Variants in ZMYND8 observed in about 807,000 individuals in gnomAD.
ZMYND8 encodes zinc finger MYND-type containing 8, also known as MYND-type zinc finger-containing chromatin reader ZMYND8.
ZMYND8 carries 37 observed loss-of-function variants against 140.8 expected under a neutral mutation model. That is an observed-to-expected ratio of 0.26 (90% CI 0.20 to 0.35). The LOEUF (loss-of-function observed/expected upper bound fraction) is 0.35. ZMYND8 is among the 10% of genes least tolerant of loss of function. The probability of loss-of-function intolerance (pLI) is 1.00; values close to 1 mark genes in which losing one functional copy is unlikely to be tolerated. For synonymous variants in ZMYND8, 592 were observed against 597.1 expected (o/e 0.99, Z 0.12); for missense variants, 1,068 against 1,570.0 (o/e 0.68, Z 5.40).
chr20:47,329,485 A>T (rs1038735707), intron 2 of ZMYND8, among the ~76,000 whole-genome samples: 8 of 151,854 alleles, frequency 5.3e-5, no homozygotes, highest in African/African-American at 1.9e-4. Flanking sequence ...GCTCACCGCA[A>T]CCTCCTCCTC....
intron 16 of ZMYND8, among the ~76,000 whole-genome samples, chr20:47,231,394 G>A (rs1307374665): frequency 1.3e-5 from 2 of 152,088 alleles, no homozygotes; most frequent in East Asian, 3.8e-4. Flanking sequence ...TCTAAGCCTC[G>A]GTTTCCCCAC....
At chr20:47,324,182 C>T (rs1029421723) in intron 2 of ZMYND8, among the ~76,000 whole-genome samples, 4 of 133,338 alleles carry the variant, frequency 3.0e-5, no homozygotes, top group African/African-American at 9.0e-5. Flanking sequence ...AACCTGGGCG[C>T]CAGAGCGAGA....
intron 16 of ZMYND8, among the ~76,000 whole-genome samples, chr20:47,235,255 C>T (rs1263829394): frequency 6.6e-6 from 1 of 152,188 alleles, no homozygotes; most frequent in African/African-American, 2.4e-5. Context: ...GTGAGCAAAA[C>T]AGACAAAAAT....
intron 3 of ZMYND8, among the ~76,000 whole-genome samples, chr20:47,305,596 A>G (rs1389605121): frequency 6.6e-6 from 1 of 151,936 alleles, no homozygotes; most frequent in Admixed American, 6.5e-5. Context: ...AAAGACTTCA[A>G]GTGTCCCAGT....
rs1490115505 is a variant in ZMYND8 at position 47,285,774 on chromosome 20, A to G, written c.804+1455T>C. 3.5e-5 allele frequency: 34 copies of G among 984,886 alleles called. No homozygotes were observed. In the South Asian group the frequency reaches 1.3e-3, roughly 38 times the overall value. The allele number at this position is 984,886 out of a possible 1,614,324, so 61.0% of individuals were successfully genotyped here. The stretch of plus-strand genomic sequence containing the variant: ...AATTAAATGAATGTCCATGTGTTGT[A>G]TGTAATACTATACAGCCATGAAAAA... On this transcript the variant is annotated intron_variant, in intron 8 of 22. Transcript: ENST00000471951.
At position 47,239,046 on chromosome 20, in the gene ZMYND8, C is replaced by A; in HGVS notation, c.2377G>T (p.Ala793Ser). 1 of 1,579,496 alleles carries A rather than the reference C, an allele frequency of 6.3e-7. No homozygotes were observed. Among genetic ancestry groups the A allele is most frequent in the Non-Finnish European group, 8.6e-7 (1 of 1,160,370 alleles). ...LTRSSAQTSA[A>S]GATATTSTSS... is the part of the protein sequence containing the mutation. Reference sequence around the variant, plus strand: ...GTGCTGGTGGTGGCTGTGGCGCCAGCCGCGGAAGTTTGGGCGGAAGAGCGG... The same window carrying A: ...GTGCTGGTGGTGGCTGTGGCGCCAGACGCGGAAGTTTGGGCGGAAGAGCGG... Residue 793 changes from alanine (A) to serine (S), a missense_variant, in exon 15 of 23, where the codon GCT becomes TCT. Ala to Ser is a moderately conservative substitution (Grantham distance 99). Transcript: ENST00000471951.
At chr20:47,251,960 A>G (rs1477822254) in intron 12 of ZMYND8, among the ~76,000 whole-genome samples, 1 of 151,930 alleles carries the variant, frequency 6.6e-6, no homozygotes, top group Admixed American at 6.6e-5. Context: ...ACTAAAGTTT[A>G]CTTTTAAATT....
intron 2 of ZMYND8, among the ~76,000 whole-genome samples, chr20:47,314,763 A>G (rs2079243172): frequency 6.6e-6 from 1 of 152,220 alleles, no homozygotes; most frequent in Non-Finnish European, 1.5e-5. Context: ...GGGTTGGTTC[A>G]GGACTCAGGA....
intron 13 of ZMYND8, 149 bp downstream of exon 13, chr20:47,249,138 G>A (rs372848155): frequency 1.1e-6 from 1 of 947,848 alleles, no homozygotes; most frequent in Non-Finnish European, 1.5e-6. Context: ...GCCATGAGTG[G>A]AAATATATTT....
rs550685650 is a variant in ZMYND8, at chr20:47,334,768, C to A, written c.85+13088G>T. Among the ~76,000 whole-genome samples, 29 of 152,100 alleles carry A rather than the reference C, an allele frequency of 1.9e-4. No individual in the cohort carries two copies. In the East Asian group the frequency reaches 5.6e-3, roughly 30 times the overall value. The stretch of plus-strand genomic sequence containing the variant: ...GGGATTACAGGCACACGCCACCACA[C>A]TCAGCTAATTTTTTGTATTTTTAGT... On this transcript the variant is annotated intron_variant, in intron 2 of 22. Coordinates refer to ENST00000471951, the MANE Select transcript of ZMYND8 (RefSeq NM_001281775.3).
intron 21 of ZMYND8, among the ~76,000 whole-genome samples, chr20:47,216,048 C>T (rs570635154): frequency 3.9e-5 from 6 of 152,188 alleles, no homozygotes; most frequent in Admixed American, 3.9e-4. Context: ...GAGCACACCA[C>T]GGAGGCCCTG....
chr20:47,239,249 C>T, intron 14 of ZMYND8, 111 bp from the exon 15 acceptor site: 1 of 1,361,950 alleles, frequency 7.3e-7, no homozygotes, highest in Non-Finnish European at 9.6e-7. Context: ...CCAGGAATGC[C>T]GAACCAATTC....
At chr20:47,282,352 G>T in intron 9 of ZMYND8, 135 bp from the exon 10 acceptor site, 1 of 676,718 alleles carries the variant, frequency 1.5e-6, no homozygotes, top group Non-Finnish European at 2.4e-6. Context: ...AGCAGGGTCG[G>T]CCTGTGTGGT....
chr20:47,262,290 A>G lies in ZMYND8; in HGVS notation c.1619T>C (p.Leu540Pro). ...STTGSILNLNLDRSKAEMDLK... is the reference protein window; with the variant it reads ...STTGSILNLNPDRSKAEMDLK... ...TACTGGCAAAAATTCTGACTGACCCAGGTTAAGATTCAGGATGCTGCCGGT... is the reference window on the plus strand; with the variant it reads ...TACTGGCAAAAATTCTGACTGACCCGGGTTAAGATTCAGGATGCTGCCGGT... Residue 540 changes from leucine to proline, a missense_variant and splice_region_variant, in exon 12 of 23, where the codon CTG (leucine) becomes CCG (proline). Around this residue, in one of 10 missense-constraint regions of ZMYND8, gnomAD observed 173 missense variants for 223.3 expected, o/e 0.77. Transcript: ENST00000471951. 6.2e-7 allele frequency: 1 copy of G among 1,614,122 alleles called. No individual in the cohort carries two copies.
intron 21 of ZMYND8, among the ~76,000 whole-genome samples, chr20:47,219,146 C>T (rs915770431): frequency 6.7e-6 from 1 of 149,686 alleles, no homozygotes; most frequent in Admixed American, 6.7e-5. Flanking sequence ...CAACCTCCAC[C>T]TCCTGGGTTC....
chr20:47,347,215 T>C (rs77672689), intron 2 of ZMYND8, among the ~76,000 whole-genome samples: 1,682 of 152,280 alleles, frequency 0.011, 10 homozygotes, highest in Middle Eastern at 0.02. Context: ...AAGGTAAAAG[T>C]GAATAACTGC....
chr20:47,232,524 T>TA (rs1056638124), intron 16 of ZMYND8, among the ~76,000 whole-genome samples: 53 of 145,700 alleles, frequency 3.6e-4, no homozygotes, highest in East Asian at 7.9e-4. Context: ...ACCCCAACTC[T>TA]AAAAAAAAAA....
intron 10 of ZMYND8, among the ~76,000 whole-genome samples, chr20:47,277,938 T>C (rs1414008625): frequency 6.6e-6 from 1 of 152,066 alleles, no homozygotes; most frequent in East Asian, 1.9e-4. Flanking sequence ...CCCAAAGTGC[T>C]GGGATTATAG....
intron 21 of ZMYND8, 116 bp downstream of exon 21, chr20:47,220,142 C>A (rs554035313): frequency 1.6e-4 from 120 of 741,052 alleles, no homozygotes; most frequent in East Asian, 5.1e-4. Context: ...CCCTAAGGAT[C>A]CATAATCGTT....
Sources: allele counts gnomAD v4.1 joint callset (sites outside exome capture counted in the v4.1 genomes callset), GRCh38; gene constraint gnomAD v4.1.1; regional missense constraint gnomAD v4.1.1; transcripts MANE v1.5; gene names NCBI Gene and HGNC (gene_info 2026-07-23, HGNC 2026-07-21).